The following SNX29 variants were observed in gnomAD, a reference collection of about 807,000 sequenced individuals.
The protein encoded by SNX29 is sorting nexin 29.
A neutral mutation model predicts 102.1 loss-of-function variants in SNX29; 78 were observed. The observed-to-expected ratio is 0.76, with a 90% CI of 0.64 to 0.92. SNX29 has a LOEUF of 0.92. SNX29 is among the 40% of genes least tolerant of loss of function. The probability of loss-of-function intolerance (pLI) is 0.00; values close to 1 mark genes in which losing one functional copy is unlikely to be tolerated. For missense variants in SNX29, 1,280 were observed against 1,061.7 expected, an observed-to-expected ratio of 1.21 and a Z score of -2.86; for synonymous variants, 580 against 414.5, an observed-to-expected ratio of 1.40 and a Z score of -4.85.
At chr16:12,151,984 C>T (rs745626643) in intron 13 of SNX29, among the ~76,000 whole-genome samples, 6 of 152,106 alleles carry the variant, frequency 3.9e-5, no homozygotes, top group Non-Finnish European at 7.4e-5. Context: ...ATCCTGAGGC[C>T]GAGGCAGGCA....
intron 16 of SNX29, among the ~76,000 whole-genome samples, chr16:12,361,773 T>A (rs895836062): frequency 9.9e-5 from 15 of 152,178 alleles, no homozygotes; most frequent in African/African-American, 3.4e-4. Flanking sequence ...TATCAAAATT[T>A]TTAGACTCAT....
At chr16:12,240,439 G>C (rs1209792285) in intron 14 of SNX29, among the ~76,000 whole-genome samples, 2 of 152,102 alleles carry the variant, frequency 1.3e-5, no homozygotes, top group East Asian at 3.9e-4. Context: ...CAGGACTATT[G>C]ACCATTTGTT....
chr16:12,419,804 A>G (rs2084800297), intron 18 of SNX29, among the ~76,000 whole-genome samples: 1 of 152,186 alleles, frequency 6.6e-6, no homozygotes, highest in African/African-American at 2.4e-5. Context: ...GTGCCTGGGT[A>G]GGTGTGATAC....
intron 13 of SNX29, among the ~76,000 whole-genome samples, chr16:12,137,419 C>G (rs1233244253): frequency 6.6e-6 from 1 of 152,194 alleles, no homozygotes; most frequent in Non-Finnish European, 1.5e-5. Flanking sequence ...TGTTATTTTT[C>G]CAGCCCTGCC....
At chr16:12,372,468 C>T (rs1432981399) in intron 16 of SNX29, 1 of 152,192 alleles carries the variant, frequency 6.6e-6, no homozygotes, top group Admixed American at 6.5e-5. Flanking sequence ...CGTTGAGCTA[C>T]ACTCAGTTAT....
intron 14 of SNX29, among the ~76,000 whole-genome samples, chr16:12,215,662 A>G (rs937007576): frequency 6.6e-6 from 1 of 152,174 alleles, no homozygotes; most frequent in Non-Finnish European, 1.5e-5. Flanking sequence ...GCACTTAATT[A>G]GAGTCACTGG....
intron 16 of SNX29, among the ~76,000 whole-genome samples, chr16:12,391,083 C>T (rs753314427): frequency 3.3e-5 from 5 of 152,002 alleles, no homozygotes; most frequent in Non-Finnish European, 5.9e-5. Flanking sequence ...GTAGTTGGGA[C>T]TATAGGAGCA....
chr16:12,351,816 A>C (rs1225977941), intron 15 of SNX29, among the ~76,000 whole-genome samples: 1 of 152,142 alleles, frequency 6.6e-6, no homozygotes, highest in East Asian at 1.9e-4. Context: ...GGCCAGGGCT[A>C]CCAAATAGGC....
Position 12,348,907 on chromosome 16 carries a change from G to C in SNX29, c.1783-7256G>C, listed in dbSNP as rs577394680. On this transcript the variant is annotated intron_variant, in intron 15 of 20. Transcript: ENST00000566228. The stretch of plus-strand genomic sequence containing the variant: ...GGAGAGGAAGTGGAACATTCCTCGT[G>C]CGCAGGGAGTGCCCCCTGAGTCTGC... Among the ~76,000 whole-genome samples the C allele has an allele frequency of 5.9e-4, 89 of 149,686 alleles. No individual in the cohort carries two copies. In the South Asian group the frequency reaches 0.016, roughly 27 times the overall value.
At chr16:12,058,574 A>C (rs1203385638) in intron 8 of SNX29, among the ~76,000 whole-genome samples, 2 of 140,130 alleles carry the variant, frequency 1.4e-5, no homozygotes, top group Admixed American at 1.5e-4. Context: ...GCTCACTGCA[A>C]CCTCCGCCTC....
chr16:12,109,761 C>T lies in SNX29; in HGVS notation c.1403-16872C>T, dbSNP rs1049909794. On this transcript the variant is annotated intron_variant, in intron 11 of 20. Transcript: ENST00000566228. ...TCTTTTTTTTTTTGACACGGAATCC[C>T]GCTCTGTCACCCAGGCTGGAGTGCA... 2.6e-5 allele frequency among the ~76,000 whole-genome samples: 4 copies of T among 151,984 alleles called. No individual in the cohort carries two copies. In the East Asian group the frequency reaches 5.8e-4, roughly 22 times the overall value.
chr16:12,487,260 G>T (rs2088290148), intron 19 of SNX29, among the ~76,000 whole-genome samples: 3 of 152,196 alleles, frequency 2.0e-5, no homozygotes, highest in African/African-American at 7.2e-5. Context: ...CTCATCCCCA[G>T]CGATGCCAGG....
At chr16:12,489,626 G>A (rs750004537) in intron 19 of SNX29, among the ~76,000 whole-genome samples, 4 of 152,156 alleles carry the variant, frequency 2.6e-5, no homozygotes, top group Admixed American at 6.5e-5. Context: ...CCCATGGTGC[G>A]GTGTGTCCTT....
rs149011518 is a variant in SNX29 at position 12,545,273 on chromosome 16, A to T, written c.2318+20432A>T. Among the ~76,000 whole-genome samples the T allele has an allele frequency of 2.6e-5, 4 of 152,360 alleles. No individual in the cohort carries two copies. In the East Asian group the frequency reaches 7.7e-4, roughly 29 times the overall value. On this transcript the variant is annotated intron_variant, in intron 20 of 20. Transcript: ENST00000566228. ...TGGCTCCAAAGAGTACTGTTGAGAAATTGGTTTGCCACTTCGCCCTCTTTA... is the reference window on the plus strand; with the variant it reads ...TGGCTCCAAAGAGTACTGTTGAGAATTTGGTTTGCCACTTCGCCCTCTTTA...
At chr16:12,439,867 G>A (rs764161182) in intron 18 of SNX29, among the ~76,000 whole-genome samples, 1 of 152,188 alleles carries the variant, frequency 6.6e-6, no homozygotes, top group South Asian at 2.1e-4. Flanking sequence ...CTTGGTGCAG[G>A]GTGGGTGCTC....
chr16:12,425,719 A>G (rs1165985512), intron 18 of SNX29, among the ~76,000 whole-genome samples: 4 of 151,938 alleles, frequency 2.6e-5, no homozygotes, highest in South Asian at 2.1e-4. Context: ...GTTTGCACAG[A>G]TGATTTGGGC....
chr16:12,073,461 T>C (rs879532320), intron 10 of SNX29, among the ~76,000 whole-genome samples: 116 of 152,362 alleles, frequency 7.6e-4, no homozygotes, highest in Non-Finnish European at 6.0e-4. Flanking sequence ...GGTTGTTCAG[T>C]TTCCATGTAG....
At chr16:12,423,400 A>G (rs2084942555) in intron 18 of SNX29, among the ~76,000 whole-genome samples, 1 of 152,050 alleles carries the variant, frequency 6.6e-6, no homozygotes, top group African/African-American at 2.4e-5. Flanking sequence ...CCAGATGAGG[A>G]AGCTGCAGCC....
intron 11 of SNX29, among the ~76,000 whole-genome samples, chr16:12,102,019 T>C (rs2141206628): frequency 6.6e-6 from 1 of 152,336 alleles, no homozygotes; most frequent in South Asian, 2.1e-4. Context: ...ATGCGGTGTT[T>C]GGTCTTTTGT....
Sources: allele counts gnomAD v4.1 joint callset (sites outside exome capture counted in the v4.1 genomes callset), GRCh38; gene constraint gnomAD v4.1.1; transcripts MANE v1.5; gene names NCBI Gene and HGNC (gene_info 2026-07-23, HGNC 2026-07-21).